PTPRD: variants seen among roughly 807,000 people sequenced by gnomAD.
PTPRD encodes the protein receptor-type tyrosine-protein phosphatase delta.
Under a neutral mutation model 214.5 loss-of-function variants are expected in PTPRD, and 34 were observed. The ratio of observed to expected loss-of-function variants is 0.16; its 90% CI spans 0.12 to 0.21. The LOEUF (loss-of-function observed/expected upper bound fraction) is 0.21. Among genes scored for constraint, PTPRD ranks in the 10% least tolerant of loss-of-function variants. PTPRD has a pLI of 1.00. For missense variants in PTPRD, 2,545 were observed against 2,398.7 expected (o/e 1.06, Z -1.27); for synonymous variants, 1,128 against 845.7 (o/e 1.33, Z -5.79).
intron 5 of PTPRD, among the ~76,000 whole-genome samples, chr9:9,897,968 G>C (rs2153800022): frequency 6.6e-6 from 1 of 151,540 alleles, no homozygotes; most frequent in East Asian, 1.9e-4. Context: ...AATCAAGTAA[G>C]CATGGCTATG....
At chr9:8,667,040 T>C (rs1441259690) in intron 12 of PTPRD, among the ~76,000 whole-genome samples, 5 of 152,126 alleles carry the variant, frequency 3.3e-5, no homozygotes, top group Non-Finnish European at 5.9e-5. Flanking sequence ...GAGGGCCAGT[T>C]TGAAACAAAA....
At chr9:9,938,094 C>A (rs954037219) in intron 5 of PTPRD, among the ~76,000 whole-genome samples, 1 of 152,068 alleles carries the variant, frequency 6.6e-6, no homozygotes, top group Non-Finnish European at 1.5e-5. Flanking sequence ...AAGGGTTACT[C>A]GGCCCTCAGG....
chr9:8,831,690 G>C (rs140530530), intron 11 of PTPRD, among the ~76,000 whole-genome samples: 1 of 152,086 alleles, frequency 6.6e-6, no homozygotes, highest in Non-Finnish European at 1.5e-5. Context: ...CATACAATCT[G>C]TCTCTTTCAG....
chr9:9,885,372 T>C (rs2070453854), intron 5 of PTPRD, among the ~76,000 whole-genome samples: 1 of 152,024 alleles, frequency 6.6e-6, no homozygotes, highest in Admixed American at 6.6e-5. Flanking sequence ...CATAGAATCT[T>C]TAACCTACAC....
chr9:10,040,666 C>T (rs1392668546), intron 3 of PTPRD, among the ~76,000 whole-genome samples: 2 of 151,878 alleles, frequency 1.3e-5, no homozygotes, highest in African/African-American at 4.8e-5. Context: ...TGGTCATGGG[C>T]TAAAATGGCT....
chr9:8,572,747 A>G (rs2091486739), intron 14 of PTPRD, among the ~76,000 whole-genome samples: 1 of 151,944 alleles, frequency 6.6e-6, no homozygotes, highest in Non-Finnish European at 1.5e-5. Context: ...AAAATAAAAA[A>G]CAACGTAGCA....
intron 3 of PTPRD, among the ~76,000 whole-genome samples, chr9:10,191,649 C>T (rs2099364059): frequency 1.3e-5 from 2 of 152,132 alleles, no homozygotes; most frequent in Admixed American, 6.6e-5. Flanking sequence ...AAATGTCCAT[C>T]AAAATATACT....
chr9:8,796,736 T>C (rs1456550520), intron 11 of PTPRD, among the ~76,000 whole-genome samples: 1 of 152,148 alleles, frequency 6.6e-6, no homozygotes. Context: ...GAAGCTCTAA[T>C]CTTCTGGTTG....
chr9:9,947,800 TC>T (rs1280564290), intron 4 of PTPRD, among the ~76,000 whole-genome samples: 7 of 147,144 alleles, frequency 4.8e-5, no homozygotes, highest in African/African-American at 1.8e-4. Flanking sequence ...CTAAAAAAAA[TC>T]CATAAAGAGA....
chr9:9,143,827 T>C (rs897081749), intron 10 of PTPRD, among the ~76,000 whole-genome samples: 2 of 152,228 alleles, frequency 1.3e-5, no homozygotes, highest in African/African-American at 2.4e-5. Flanking sequence ...TAACCGATTA[T>C]AAAAACTACT....
At chr9:9,587,628 A>G (rs2092218163) in intron 7 of PTPRD, among the ~76,000 whole-genome samples, 1 of 151,994 alleles carries the variant, frequency 6.6e-6, no homozygotes, top group South Asian at 2.1e-4. Context: ...GGGTCTCACT[A>G]ATTCCCTCAC....
At chr9:8,821,326 C>T (rs1258367501) in intron 11 of PTPRD, among the ~76,000 whole-genome samples, 1 of 152,110 alleles carries the variant, frequency 6.6e-6, no homozygotes, top group African/African-American at 2.4e-5. Context: ...CTCATGGCTT[C>T]TTCAGAAGGC....
chr9:8,498,998 C>G (rs966337326), intron 25 of PTPRD, among the ~76,000 whole-genome samples: 1 of 152,132 alleles, frequency 6.6e-6, no homozygotes, highest in Non-Finnish European at 1.5e-5. Context: ...AATACAATTT[C>G]TCACATACTC....
At chr9:9,471,452 T>G (rs539218364) in intron 8 of PTPRD, among the ~76,000 whole-genome samples, 4 of 152,268 alleles carry the variant, frequency 2.6e-5, no homozygotes, top group African/African-American at 7.2e-5. Context: ...AATCAAATTG[T>G]TGACATTTTA....
chr9:8,499,853 C>A lies in PTPRD; in HGVS notation c.2129-13G>T, dbSNP rs2136850360. Reference sequence around the variant, plus strand: ...GGACCACTAGGAACTGGAACAACATCATTGGATAAAAGAAATTATAGGCAC... The same window carrying A: ...GGACCACTAGGAACTGGAACAACATAATTGGATAAAAGAAATTATAGGCAC... On this transcript the variant is annotated splice_polypyrimidine_tract_variant and intron_variant, in intron 24 of 45. Transcript: ENST00000381196. 9.4e-6 allele frequency: 15 copies of A among 1,591,840 alleles called. No homozygotes were observed. Among genetic ancestry groups the A allele is most frequent in the Non-Finnish European group, 1.3e-5 (15 of 1,170,102 alleles).
chr9:9,523,583 G>C (rs970062135), intron 8 of PTPRD, among the ~76,000 whole-genome samples: 8 of 152,048 alleles, frequency 5.3e-5, no homozygotes, highest in African/African-American at 1.9e-4. Flanking sequence ...ACAGAAGTCT[G>C]GCTTCTGCTT....
chr9:9,094,130 T>A lies in PTPRD; in HGVS notation c.-142-75395A>T, dbSNP rs576660888. ...ACTCAAGTGGAAATGGTCACCTGAA[T>A]AGTCCTACATTAATTAAATGAATTG... On this transcript the variant is annotated intron_variant, in intron 10 of 45. Transcript: ENST00000381196. Among the ~76,000 whole-genome samples, 9 of 152,292 alleles carry A rather than the reference T, an allele frequency of 5.9e-5. No homozygotes were observed. In the East Asian group the frequency reaches 1.7e-3, roughly 29 times the overall value.
chr9:8,542,627 T>C (rs571435422), intron 14 of PTPRD, among the ~76,000 whole-genome samples: 15 of 152,344 alleles, frequency 9.8e-5, no homozygotes, highest in African/African-American at 2.4e-4. Context: ...CTCTCACCAA[T>C]AGAGCTGCCC....
chr9:8,897,291 T>G (rs1431825056), intron 11 of PTPRD, among the ~76,000 whole-genome samples: 2 of 149,952 alleles, frequency 1.3e-5, no homozygotes, highest in African/African-American at 2.5e-5. Context: ...GAAAAGACAA[T>G]AAGCATAAGA....
Sources: gnomAD v4.1 joint callset for allele counts (sites outside exome capture counted in the v4.1 genomes callset) on GRCh38, gnomAD v4.1.1 for gene constraint, MANE v1.5 for transcripts, NCBI Gene and HGNC (gene_info 2026-07-23, HGNC 2026-07-21) for gene names.